Variants in XRCC4 observed in about 807,000 individuals in gnomAD.
The protein encoded by XRCC4 is X-ray repair cross complementing 4.
XRCC4 carries 28 observed loss-of-function variants against 39.1 expected under a neutral mutation model. The observed-to-expected ratio is 0.72, with a 90% CI of 0.53 to 0.98. The LOEUF is 0.98. XRCC4 is among the 50% of genes least tolerant of loss of function. The probability of loss-of-function intolerance (pLI) is 0.00; values close to 1 mark genes in which losing one functional copy is unlikely to be tolerated. For missense variants in XRCC4, 350 were observed against 376.4 expected, an observed-to-expected ratio of 0.93 and a Z score of 0.58; for synonymous variants, 123 against 126.4, an observed-to-expected ratio of 0.97 and a Z score of 0.18.
At chr5:83,142,416 T>G (rs1037436778) in intron 3 of XRCC4, among the ~76,000 whole-genome samples, 36 of 152,230 alleles carry the variant, frequency 2.4e-4, no homozygotes, top group Non-Finnish European at 4.6e-4. Context: ...TGGTGTGGCT[T>G]CAAAGCATAT....
At chr5:83,200,992 T>G (rs1751167334) in intron 4 of XRCC4, among the ~76,000 whole-genome samples, 1 of 152,202 alleles carries the variant, frequency 6.6e-6, no homozygotes, top group South Asian at 2.1e-4. Context: ...ACATCTTTCG[T>G]GTACTTCTTT....
intron 3 of XRCC4, among the ~76,000 whole-genome samples, chr5:83,133,320 A>G (rs1291432102): frequency 6.6e-6 from 1 of 152,148 alleles, no homozygotes; most frequent in East Asian, 1.9e-4. Flanking sequence ...CCTCCCAGTT[A>G]GGCTACTCGG....
At chr5:83,298,194 A>G (rs942367781) in intron 7 of XRCC4, among the ~76,000 whole-genome samples, 3 of 151,816 alleles carry the variant, frequency 2.0e-5, no homozygotes, top group African/African-American at 7.2e-5. Context: ...GTTTGTTGAA[A>G]ACCGTCTATG....
intron 3 of XRCC4, among the ~76,000 whole-genome samples, chr5:83,195,052 A>T (rs1750880823): frequency 6.6e-6 from 1 of 152,122 alleles, no homozygotes; most frequent in Non-Finnish European, 1.5e-5. Flanking sequence ...CATTATTACT[A>T]ATCATTGTGT....
At chr5:83,296,010 A>G (rs1755082651) in intron 7 of XRCC4, among the ~76,000 whole-genome samples, 1 of 152,092 alleles carries the variant, frequency 6.6e-6, no homozygotes, top group Admixed American at 6.6e-5. Flanking sequence ...TGAAAGGGAT[A>G]CTGTGTTAAT....
downstream of XRCC4, among the ~76,000 whole-genome samples, chr5:83,356,329 A>G (rs1199801054): frequency 6.6e-6 from 1 of 152,074 alleles, no homozygotes; most frequent in Non-Finnish European, 1.5e-5. Context: ...ATATGTGTCT[A>G]TCTATCTATC....
intron 3 of XRCC4, among the ~76,000 whole-genome samples, chr5:83,141,095 A>G (rs924369604): frequency 3.9e-5 from 6 of 152,222 alleles, no homozygotes; most frequent in East Asian, 1.9e-4. Context: ...GCTTTTTTAC[A>G]TAGCAATGTA....
In XRCC4 at chr5:83,221,960, A is replaced by G. The variant is rs142333009; in HGVS notation, c.745+17039A>G. Among the ~76,000 whole-genome samples, 1,131 of 151,934 alleles carry G rather than the reference A, an allele frequency of 7.4e-3. 8 individuals are homozygous for G. The highest frequency in any genetic ancestry group is 0.014 in the Admixed American group (218 of 15,252). Reference sequence around the variant, plus strand: ...CTTTCGTAATGCTTCTTTCCTTAACATCTTCTTTATCTGATAGTAGTATAA... The same window carrying G: ...CTTTCGTAATGCTTCTTTCCTTAACGTCTTCTTTATCTGATAGTAGTATAA... On this transcript the variant is annotated intron_variant, in intron 6 of 7. Coordinates refer to ENST00000396027, the MANE Select transcript of XRCC4 (RefSeq NM_003401.5).
intron 3 of XRCC4, among the ~76,000 whole-genome samples, chr5:83,129,236 C>G (rs1356620655): frequency 7.0e-5 from 10 of 142,552 alleles, no homozygotes; most frequent in African/African-American, 1.1e-4. Flanking sequence ...ATAGGGAATC[C>G]TTTCCCCATT....
At chr5:83,096,731 C>T (rs187641336) in intron 1 of XRCC4, among the ~76,000 whole-genome samples, 62 of 152,310 alleles carry the variant, frequency 4.1e-4, no homozygotes, top group African/African-American at 1.2e-3. Flanking sequence ...TATGAGCCAA[C>T]ATTTCAAAGC....
At chr5:83,106,849 A>G (rs1746223210) in intron 2 of XRCC4, among the ~76,000 whole-genome samples, 1 of 152,044 alleles carries the variant, frequency 6.6e-6, no homozygotes, top group South Asian at 2.1e-4. Flanking sequence ...GAATGAAAGG[A>G]TGTCTCAAAT....
intron 3 of XRCC4, among the ~76,000 whole-genome samples, chr5:83,148,189 G>A (rs944067801): frequency 3.3e-5 from 5 of 152,156 alleles, no homozygotes; most frequent in African/African-American, 1.2e-4. Context: ...AAATATGGCA[G>A]TTGTGAATTT....
intron 3 of XRCC4, among the ~76,000 whole-genome samples, chr5:83,170,238 C>A (rs1749661369): frequency 6.6e-6 from 1 of 152,146 alleles, no homozygotes; most frequent in East Asian, 1.9e-4. Context: ...GGTGCTTACT[C>A]TAAAAAAACC....
rs1335801774 is a variant in XRCC4, at chr5:83,195,856, T to G, written c.402T>G (p.Ile134Met). 1 of 1,612,220 alleles carries G rather than the reference T, an allele frequency of 6.2e-7. No homozygotes were observed. The highest frequency in any genetic ancestry group is 8.5e-7 in the Non-Finnish European group (1 of 1,178,920). ...TTATTTGTTATTGCTTGGACACCAT[T>G]GCAGAAAATCAAGCCAAAAATGAGC... ...RELICYCLDT[I>M]AENQAKNEHL... The change falls in exon 4 of 8, where the codon ATT (isoleucine) becomes ATG (methionine). Residue 134 changes from isoleucine (I) to methionine (M), a missense_variant. By Grantham distance (10) the Ile-to-Met change is conservative. Transcript: ENST00000396027.
At chr5:83,247,387 T>G (rs1753146776) in intron 6 of XRCC4, among the ~76,000 whole-genome samples, 1 of 152,240 alleles carries the variant, frequency 6.6e-6, no homozygotes, top group Middle Eastern at 3.4e-3. Context: ...AATTACCACC[T>G]GAGCTCCACC....
At position 83,159,495 on chromosome 5, in the gene XRCC4, A is replaced by G. The variant is rs28360094; in HGVS notation, c.316-36275A>G. Among the ~76,000 whole-genome samples, 374 of 152,308 alleles carry G rather than the reference A, an allele frequency of 2.5e-3. 2 individuals carry two copies. The highest frequency in any genetic ancestry group is 8.6e-3 in the African/African-American group (357 of 41,576). ...TAGGAAATTTGATGAATATACAACT[A>G]TAATACAGTTATGTATGACCAAGGT... On this transcript the variant is annotated intron_variant, in intron 3 of 7. Transcript: ENST00000396027.
In XRCC4 at chr5:83,132,647, A is replaced by T. The variant is rs542874077; in HGVS notation, c.315+21444A>T. Among the ~76,000 whole-genome samples the T allele has an allele frequency of 1.4e-4, 22 of 151,950 alleles. No individual in the cohort carries two copies. The South Asian group carries it at 3.7e-3, about 26-fold the overall frequency. On this transcript the variant is annotated intron_variant, in intron 3 of 7. Transcript: ENST00000396027. ...TCATCCATTTGATCTTCAATCACTG[A>T]TACCCTTTCTTCCACTTGATTGAAT... is the stretch of plus-strand genomic sequence containing the variant.
intron 7 of XRCC4, among the ~76,000 whole-genome samples, chr5:83,260,674 A>G (rs1753717158): frequency 6.6e-6 from 1 of 152,090 alleles, no homozygotes; most frequent in African/African-American, 2.4e-5. Context: ...AAATATTTTT[A>G]TTTAGCTTTT....
At chr5:83,280,257 T>C (rs1174199116) in intron 7 of XRCC4, 1 of 346,192 alleles carries the variant, frequency 2.9e-6, no homozygotes, top group East Asian at 7.0e-5. Context: ...TTTCTAATTG[T>C]GTTTTACAAT....
Sources: allele counts gnomAD v4.1 joint callset (sites outside exome capture counted in the v4.1 genomes callset), GRCh38; gene constraint gnomAD v4.1.1; transcripts MANE v1.5; gene names NCBI Gene and HGNC (gene_info 2026-07-23, HGNC 2026-07-21).